GDA: variants seen among roughly 807,000 people sequenced by gnomAD.
GDA encodes guanine deaminase, also known as cytoplasmic PSD-95 interactor.
A neutral mutation model predicts 59.6 loss-of-function variants in GDA; 18 were observed. The observed-to-expected ratio is 0.30, with a 90% confidence interval of 0.21 to 0.45. The LOEUF (loss-of-function observed/expected upper bound fraction) is 0.45. Ranked by LOEUF, GDA falls within the 20% of genes least tolerant of loss-of-function variation. GDA has a pLI of 1.00. For synonymous variants in GDA, 201 were observed against 201.1 expected (o/e 1.00, Z 0.00); for missense variants, 427 against 552.3 (o/e 0.77, Z 2.27).
rs191161350 is a variant in GDA, at chr9:72,177,716, C to T, written c.124-17784C>T. On this transcript the variant is annotated intron_variant, in intron 1 of 13. Transcript: ENST00000358399. Reference sequence around the variant, plus strand: ...TGCTTTTAAAATTTGTATCAGCTTTCAACATTATATCCTTTGAGCTTTCAG... The same window carrying T: ...TGCTTTTAAAATTTGTATCAGCTTTTAACATTATATCCTTTGAGCTTTCAG... Among the ~76,000 whole-genome samples, 499 of 152,288 alleles carry T rather than the reference C, an allele frequency of 3.3e-3. 4 individuals are homozygous for T. The highest frequency in any genetic ancestry group is 0.011 in the African/African-American group (468 of 41,564).
Position 72,249,459 on chromosome 9 carries a change from A to T in GDA, c.*1117A>T. 3.8e-6 allele frequency: 3 copies of T among 780,216 alleles called. No individual in the cohort carries two copies. The highest frequency in any genetic ancestry group is 4.7e-6 in the Non-Finnish European group (3 of 642,916). 48.3% of individuals were successfully genotyped at this position (780,216 alleles called of 1,614,324 possible). ...TCTAATTTTATCCAGTTTTCTGTTT[A>T]ACTCCTTATAATGTTTAGGATATTA... On this transcript the variant is annotated 3_prime_UTR_variant, in exon 14 of 14. Coordinates refer to ENST00000358399, the MANE Select transcript of GDA (RefSeq NM_004293.5).
chr9:72,170,837 A>T (rs1481696705), intron 1 of GDA, among the ~76,000 whole-genome samples: 1 of 151,152 alleles, frequency 6.6e-6, no homozygotes, highest in Non-Finnish European at 1.5e-5. Flanking sequence ...TGTTGTTGAG[A>T]TAGGCCCTCG....
chr9:72,181,359 CT>C (rs1427219398), intron 1 of GDA, among the ~76,000 whole-genome samples: 3 of 146,580 alleles, frequency 2.0e-5, no homozygotes, highest in African/African-American at 7.3e-5. Context: ...GTGTGTGTCA[CT>C]TGTTGCTTAG....
intron 1 of GDA, among the ~76,000 whole-genome samples, chr9:72,134,064 G>A (rs1826134361): frequency 6.6e-6 from 1 of 152,120 alleles, no homozygotes; most frequent in African/African-American, 2.4e-5. Flanking sequence ...AACATCGGGA[G>A]GATCATGAAT....
At chr9:72,214,538 C>T (rs1835846404) in intron 5 of GDA, among the ~76,000 whole-genome samples, 1 of 151,902 alleles carries the variant, frequency 6.6e-6, no homozygotes, top group South Asian at 2.1e-4. Context: ...TCGTGATCTG[C>T]CCGCCTCGGC....
At chr9:72,140,598 T>A (rs1160735559) in intron 1 of GDA, among the ~76,000 whole-genome samples, 1 of 152,178 alleles carries the variant, frequency 6.6e-6, no homozygotes, top group Non-Finnish European at 1.5e-5. Context: ...ACATGAGGAA[T>A]GGGTAAAAAT....
chr9:72,203,478 G>C (rs1587628722), intron 3 of GDA, among the ~76,000 whole-genome samples: 1 of 152,200 alleles, frequency 6.6e-6, no homozygotes, highest in Non-Finnish European at 1.5e-5. Context: ...TGAAGGCTCT[G>C]AAAGTGTCCT....
intron 2 of GDA, 102 bp downstream of exon 2, chr9:72,195,690 T>C: frequency 2.5e-6 from 1 of 404,796 alleles, no homozygotes; most frequent in Non-Finnish European, 4.5e-6. Flanking sequence ...TAATATTAAT[T>C]TAACAATAAT....
intron 1 of GDA, among the ~76,000 whole-genome samples, chr9:72,176,695 T>A (rs1310431563): frequency 1.3e-5 from 2 of 152,236 alleles, no homozygotes; most frequent in Non-Finnish European, 2.9e-5. Flanking sequence ...TTGAAAGCTC[T>A]ATTGTGGATA....
At chr9:72,197,915 C>T (rs1005701949) in intron 2 of GDA, among the ~76,000 whole-genome samples, 3 of 151,930 alleles carry the variant, frequency 2.0e-5, no homozygotes, top group Admixed American at 2.0e-4. Flanking sequence ...AACTGGAGTA[C>T]CATGGGCAGT....
At chr9:72,191,940 G>A (rs1170860956) in intron 1 of GDA, among the ~76,000 whole-genome samples, 1 of 151,998 alleles carries the variant, frequency 6.6e-6, no homozygotes. Context: ...CTTGATCTTT[G>A]AGAGTTTGAT....
intron 1 of GDA, among the ~76,000 whole-genome samples, chr9:72,127,259 T>A (rs1468096800): frequency 6.6e-6 from 1 of 152,028 alleles, no homozygotes; most frequent in Non-Finnish European, 1.5e-5. Flanking sequence ...TTTAAAAAAA[T>A]TAAATGGGTT....
chr9:72,146,974 G>A (rs1241690438), upstream of GDA, among the ~76,000 whole-genome samples: 1 of 152,098 alleles, frequency 6.6e-6, no homozygotes, highest in Non-Finnish European at 1.5e-5. Flanking sequence ...GGAGGTTCAT[G>A]GCCAATCCTT....
chr9:72,163,680 G>C (rs539758151), intron 1 of GDA, among the ~76,000 whole-genome samples: 3 of 152,192 alleles, frequency 2.0e-5, no homozygotes, highest in Admixed American at 2.0e-4. Flanking sequence ...TTTTGGTAGA[G>C]ATGGGGTTTC....
intron 1 of GDA, among the ~76,000 whole-genome samples, chr9:72,125,309 TCC>T (rs1825806075): frequency 6.6e-6 from 1 of 151,406 alleles, no homozygotes; most frequent in Non-Finnish European, 1.5e-5. Context: ...CTTCCTTCCT[TCC>T]TTCCTTTACT....
intron 12 of GDA, among the ~76,000 whole-genome samples, chr9:72,246,278 G>A (rs1485690743): frequency 3.3e-5 from 5 of 152,096 alleles, no homozygotes; most frequent in African/African-American, 1.2e-4. Flanking sequence ...CTCCCAGGTA[G>A]CTGGGATTAC....
intron 1 of GDA, among the ~76,000 whole-genome samples, chr9:72,178,272 T>C (rs1018534346): frequency 1.4e-4 from 22 of 152,178 alleles, no homozygotes; most frequent in Admixed American, 1.3e-4. Flanking sequence ...TAATATACCA[T>C]GGTAATTGAT....
intron 1 of GDA, among the ~76,000 whole-genome samples, chr9:72,130,332 T>TA (rs1226507572): frequency 3.3e-5 from 5 of 152,352 alleles, no homozygotes; most frequent in South Asian, 2.1e-4. Flanking sequence ...ACAAAACAGA[T>TA]ACTACCAGGA....
At chr9:72,215,111 G>C (rs1835938865) in intron 5 of GDA, among the ~76,000 whole-genome samples, 1 of 152,184 alleles carries the variant, frequency 6.6e-6, no homozygotes, top group Admixed American at 6.5e-5. Context: ...GAGAAACAGA[G>C]GGTATGCAAG....
Sources: gnomAD v4.1 joint callset for allele counts (sites outside exome capture counted in the v4.1 genomes callset) on GRCh38, gnomAD v4.1.1 for gene constraint, MANE v1.5 for transcripts, NCBI Gene and HGNC (gene_info 2026-07-23, HGNC 2026-07-21) for gene names.